Variants in ARHGEF3 observed in about 807,000 individuals in gnomAD.
ARHGEF3 encodes the protein 59.8 kDA protein.
A neutral mutation model predicts 63.2 loss-of-function variants in ARHGEF3; 28 were observed. The observed-to-expected ratio is 0.44, with a 90% CI of 0.33 to 0.61. The LOEUF (loss-of-function observed/expected upper bound fraction) is 0.61. ARHGEF3 is among the 20% of genes least tolerant of loss of function. ARHGEF3 has a pLI of 0.03. For synonymous variants in ARHGEF3, 266 were observed against 254.2 expected (o/e 1.05, Z -0.44); for missense variants, 533 against 659.3 (o/e 0.81, Z 2.10).
chr3:56,985,963 A>G (rs1701520412), intron 2 of ARHGEF3, among the ~76,000 whole-genome samples: 1 of 152,194 alleles, frequency 6.6e-6, no homozygotes, highest in Non-Finnish European at 1.5e-5. Flanking sequence ...GCTCCCAGAG[A>G]AGGCCCTGTT....
chr3:56,955,458 C>T (rs776966534), intron 3 of ARHGEF3, among the ~76,000 whole-genome samples: 6 of 152,162 alleles, frequency 3.9e-5, no homozygotes, highest in Non-Finnish European at 5.9e-5. Flanking sequence ...CTGCCTCAGC[C>T]TCCCAAAGTG....
At chr3:56,998,192 A>G (rs1377146244) in intron 2 of ARHGEF3, among the ~76,000 whole-genome samples, 1 of 152,160 alleles carries the variant, frequency 6.6e-6, no homozygotes, top group African/African-American at 2.4e-5. Context: ...TCTTTTATTC[A>G]ATCCACACAA....
chr3:56,864,608 T>C (rs2040182065), intron 4 of ARHGEF3, among the ~76,000 whole-genome samples: 1 of 152,232 alleles, frequency 6.6e-6, no homozygotes, highest in Admixed American at 6.5e-5. Context: ...CCTGGTTTGC[T>C]CACCATGTTA....
At chr3:56,962,370 G>C (rs1388044116) in intron 2 of ARHGEF3, among the ~76,000 whole-genome samples, 3 of 152,218 alleles carry the variant, frequency 2.0e-5, no homozygotes, top group Non-Finnish European at 4.4e-5. Context: ...TGATGCTGCA[G>C]GTTTCCCAGA....
intron 4 of ARHGEF3, among the ~76,000 whole-genome samples, chr3:56,807,173 A>G (rs1288858805): frequency 1.3e-5 from 2 of 152,158 alleles, no homozygotes; most frequent in African/African-American, 4.8e-5. Context: ...GGTGGGAGCC[A>G]CCGCGCCAGG....
intron 2 of ARHGEF3, among the ~76,000 whole-genome samples, chr3:57,000,498 A>G (rs1354267622): frequency 2.2e-5 from 3 of 137,232 alleles, no homozygotes; most frequent in South Asian, 2.3e-4. Context: ...CCTTTACTAC[A>G]TTATTATTAT....
At chr3:56,851,307 C>T (rs1465263061) in intron 4 of ARHGEF3, among the ~76,000 whole-genome samples, 1 of 152,172 alleles carries the variant, frequency 6.6e-6, no homozygotes, top group Non-Finnish European at 1.5e-5. Context: ...TCCTTCAATA[C>T]CCGAATCATC....
At chr3:56,744,397 CTTT>C (rs34368516) in intron 7 of ARHGEF3, among the ~76,000 whole-genome samples, 18 of 124,432 alleles carry the variant, frequency 1.4e-4, no homozygotes, top group Admixed American at 1.6e-4. Flanking sequence ...CTCAATAAAC[CTTT>C]TTTTTTTTTT....
chr3:56,890,304 G>A (rs1010777116), intron 3 of ARHGEF3, among the ~76,000 whole-genome samples: 1 of 152,146 alleles, frequency 6.6e-6, no homozygotes. Flanking sequence ...CAGGTTCTAA[G>A]TGTATGGGAT....
At chr3:57,069,900 C>T (rs1705789747) in intron 1 of ARHGEF3, among the ~76,000 whole-genome samples, 1 of 152,248 alleles carries the variant, frequency 6.6e-6, no homozygotes, top group Non-Finnish European at 1.5e-5. Context: ...CCACTTCAAC[C>T]TCCCAAAGTG....
At chr3:56,968,259 T>G in intron 2 of ARHGEF3, among the ~76,000 whole-genome samples, 1 of 35,814 alleles carries the variant, frequency 2.8e-5, no homozygotes, top group Non-Finnish European at 5.8e-5. Context: ...TATATAATAT[T>G]TAAATATATA....
upstream of ARHGEF3, among the ~76,000 whole-genome samples, chr3:56,805,097 C>T (rs9837729): frequency 3.8e-3 from 579 of 152,312 alleles, 4 homozygotes; most frequent in African/African-American, 0.013. Context: ...ATACTTACAG[C>T]ACTTGGTGAA....
intron 2 of ARHGEF3, among the ~76,000 whole-genome samples, chr3:57,034,823 AT>A (rs1366810696): frequency 1.3e-5 from 2 of 150,840 alleles, no homozygotes; most frequent in Non-Finnish European, 3.0e-5. Flanking sequence ...TGCCTGGCTA[AT>A]TTTTTTTTAT....
chr3:56,758,689 C>G (rs1407890811), intron 2 of ARHGEF3, among the ~76,000 whole-genome samples: 2 of 152,168 alleles, frequency 1.3e-5, no homozygotes, highest in African/African-American at 4.8e-5. Context: ...TGGTATCTTA[C>G]AAATCCTTGT....
In ARHGEF3 at chr3:56,776,812, T is replaced by C. The variant is rs553971421; in HGVS notation, c.97-2996A>G. 1.9e-4 allele frequency among the ~76,000 whole-genome samples: 29 copies of C among 152,258 alleles called. No individual in the cohort carries two copies. In the East Asian group the frequency reaches 5.2e-3, roughly 27 times the overall value. On this transcript the variant is annotated intron_variant, in intron 1 of 9. Coordinates refer to ENST00000296315, the MANE Select transcript of ARHGEF3 (RefSeq NM_019555.3). The stretch of plus-strand genomic sequence containing the variant: ...CAACAACTCAGCTGCCAGACCAAGC[T>C]GGGCAAGGTCAATGCTAAACCCAGG...
chr3:57,028,095 G>T (rs1432614559), intron 2 of ARHGEF3, among the ~76,000 whole-genome samples: 1 of 150,630 alleles, frequency 6.6e-6, no homozygotes, highest in Non-Finnish European at 1.5e-5. Flanking sequence ...CTGTTGGTGG[G>T]ACTGTAAACT....
chr3:56,848,422 C>G (rs1351771975), intron 4 of ARHGEF3, among the ~76,000 whole-genome samples: 2 of 152,192 alleles, frequency 1.3e-5, no homozygotes, highest in Non-Finnish European at 2.9e-5. Context: ...GTCTCCCCAA[C>G]TGTACAATGG....
intron 6 of ARHGEF3, among the ~76,000 whole-genome samples, chr3:56,746,586 C>T (rs2034400021): frequency 6.6e-6 from 1 of 151,930 alleles, no homozygotes; most frequent in African/African-American, 2.4e-5. Context: ...AAAAATTAGC[C>T]AGGCATGGTG....
chr3:56,823,041 T>C (rs1368217451), intron 4 of ARHGEF3, among the ~76,000 whole-genome samples: 2 of 152,162 alleles, frequency 1.3e-5, no homozygotes, highest in Non-Finnish European at 2.9e-5. Context: ...CAAATTTGTT[T>C]CTTCTTCTTT....
Sources: allele counts gnomAD v4.1 joint callset (sites outside exome capture counted in the v4.1 genomes callset), GRCh38; gene constraint gnomAD v4.1.1; transcripts MANE v1.5; gene names NCBI Gene and HGNC (gene_info 2026-07-23, HGNC 2026-07-21).